Variants in DOCK3 observed in about 807,000 individuals in gnomAD.
DOCK3 encodes the protein dedicator of cytokinesis 3, also known as dedicator of cytokinesis protein 3.
Under a neutral mutation model 265.6 loss-of-function variants are expected in DOCK3, and 60 were observed. The observed-to-expected ratio is 0.23, with a 90% CI of 0.18 to 0.28. DOCK3 has a LOEUF of 0.28. Among genes scored for constraint, DOCK3 ranks in the 10% least tolerant of loss-of-function variants. The pLI, the probability that DOCK3 is intolerant of heterozygous loss-of-function variation, is 1.00. For missense variants in DOCK3, 1,981 were observed against 2,594.3 expected (o/e 0.76, Z 5.14); for synonymous variants, 881 against 938.0 (o/e 0.94, Z 1.11).
intron 3 of DOCK3, chr3:50,881,361 T>C (rs1326216107): frequency 6.6e-6 from 1 of 152,234 alleles, no homozygotes; most frequent in African/African-American, 2.4e-5. Context: ...GATGACATGA[T>C]TGTATATTTA....
intron 12 of DOCK3, among the ~76,000 whole-genome samples, chr3:51,206,952 G>C (rs915285630): frequency 6.6e-6 from 1 of 152,162 alleles, no homozygotes; most frequent in African/African-American, 2.4e-5. Context: ...CTCAGTGAGA[G>C]GGCATCTCTG....
chr3:51,332,972 T>A, intron 33 of DOCK3, 29 bp from the exon 34 acceptor site: 1 of 1,613,918 alleles, frequency 6.2e-7, no homozygotes. Context: ...AGTAACCTCC[T>A]TATCTTTGCT....
At position 51,151,200 on chromosome 3, in the gene DOCK3, T is replaced by C. The variant is rs576601114; in HGVS notation, c.828+4570T>C. ...TCCATCCCTTTATTTTGAGCCTATGTATGTCTCTGCACATAAGATGGGTCT... is the reference window on the plus strand; with the variant it reads ...TCCATCCCTTTATTTTGAGCCTATGCATGTCTCTGCACATAAGATGGGTCT... On this transcript the variant is annotated intron_variant, in intron 10 of 52. Transcript: ENST00000266037. 4.6e-5 allele frequency among the ~76,000 whole-genome samples: 7 copies of C among 152,278 alleles called. No homozygotes were observed. The South Asian group carries it at 1.5e-3, about 32-fold the overall frequency.
intron 3 of DOCK3, among the ~76,000 whole-genome samples, chr3:50,862,803 G>A (rs2046975017): frequency 1.3e-5 from 2 of 152,136 alleles, no homozygotes; most frequent in South Asian, 2.1e-4. Flanking sequence ...TGTAGGGAGG[G>A]GGAGTTGGAC....
intron 9 of DOCK3, among the ~76,000 whole-genome samples, chr3:51,136,754 C>A (rs1281132582): frequency 2.8e-4 from 43 of 152,088 alleles, no homozygotes; most frequent in Admixed American, 2.8e-3. Flanking sequence ...TTGCATTATA[C>A]CAGTAGTTAC....
chr3:51,312,377 T>C (rs1442395641), intron 29 of DOCK3, 99 bp from the exon 30 acceptor site: 3 of 1,110,190 alleles, frequency 2.7e-6, no homozygotes, highest in Non-Finnish European at 2.6e-6. Context: ...GATCTTAAGA[T>C]TGTAAAATGG....
Position 51,374,405 on chromosome 3 carries a change from T to C in DOCK3, c.5294-64T>C, listed in dbSNP as rs2087926425. ...CCTGGTTCCCTAGTCCTGAGGATGCTTGACTGCTGGACCCTCCATCTGTGG... is the reference window on the plus strand; with the variant it reads ...CCTGGTTCCCTAGTCCTGAGGATGCCTGACTGCTGGACCCTCCATCTGTGG... On this transcript the variant is annotated intron_variant, in intron 49 of 52. Transcript: ENST00000266037. This position sits in a 1 kb window ranked among gnomAD's most constrained non-coding sequence, Gnocchi z 4.8. 1 of 1,499,918 alleles carries C rather than the reference T, an allele frequency of 6.7e-7. No homozygotes were observed. The highest frequency in any genetic ancestry group is 9.1e-7 in the Non-Finnish European group (1 of 1,094,152). The allele number at this position is 1,499,918 out of a possible 1,614,324, so 92.9% of individuals were successfully genotyped here.
intron 1 of DOCK3, among the ~76,000 whole-genome samples, chr3:50,750,850 T>A (rs2039754660): frequency 6.6e-6 from 1 of 152,184 alleles, no homozygotes; most frequent in Non-Finnish European, 1.5e-5. Context: ...AATTTCATAA[T>A]TGGCCCAAGC....
chr3:51,249,723 A>G lies in DOCK3; in HGVS notation c.2184+2916A>G, dbSNP rs1203981398. On this transcript the variant is annotated intron_variant, in intron 22 of 52. Coordinates refer to ENST00000266037, the MANE Select transcript of DOCK3 (RefSeq NM_004947.5). The stretch of plus-strand genomic sequence containing the variant: ...GGGGCGCCTCTGCCCGGCCGCCCCT[A>G]CTGGAAAGTGAGGAGCCCCTCTGCC... Among the ~76,000 whole-genome samples, 10 of 93,380 alleles carry G rather than the reference A, an allele frequency of 1.1e-4. No individual in the cohort carries two copies. In the South Asian group the frequency reaches 2.9e-3, roughly 27 times the overall value. 61.3% of individuals were successfully genotyped at this position (93,380 alleles called of 152,430 possible). A position where few individuals can be genotyped will look rare whatever the true frequency, so the allele number is the denominator to read the frequency against.
chr3:50,979,128 T>C (rs918764581), intron 5 of DOCK3, among the ~76,000 whole-genome samples: 20 of 152,212 alleles, frequency 1.3e-4, no homozygotes, highest in African/African-American at 4.3e-4. Flanking sequence ...CGCTGGGAGC[T>C]GTAGACCGGA....
chr3:51,228,271 A>G (rs934372628), intron 17 of DOCK3, among the ~76,000 whole-genome samples, 183 bp downstream of exon 17: 1 of 152,216 alleles, frequency 6.6e-6, no homozygotes, highest in Non-Finnish European at 1.5e-5. Context: ...CCGTCCTCCC[A>G]CAAGTAACGC....
chr3:50,882,053 G>A (rs915451234), intron 3 of DOCK3, among the ~76,000 whole-genome samples: 3 of 152,122 alleles, frequency 2.0e-5, no homozygotes, highest in African/African-American at 7.2e-5. Flanking sequence ...TCGGAAAACT[G>A]GCTAGCCATA....
At chr3:51,199,084 C>T (rs987195414) in intron 12 of DOCK3, among the ~76,000 whole-genome samples, 29 of 152,112 alleles carry the variant, frequency 1.9e-4, no homozygotes, top group Admixed American at 6.5e-4. Context: ...GGAACACCTC[C>T]GGTCTACAGC....
intron 7 of DOCK3, among the ~76,000 whole-genome samples, chr3:51,082,640 G>T (rs1480076909): frequency 6.6e-6 from 1 of 152,174 alleles, no homozygotes; most frequent in Non-Finnish European, 1.5e-5. Context: ...TGTGTGCATT[G>T]TCCCGGGACC....
In DOCK3 at chr3:51,362,633, C is replaced by G. The variant is rs373018158; in HGVS notation, c.5252C>G (p.Ala1751Gly). Reference protein sequence around the residue: ...SSSSLSSTHSAPSQMITSAPS... With the variant: ...SSSSLSSTHSGPSQMITSAPS... ...TCCAGCCTGAGTTCCACTCACTCAG[C>G]ACCATCCCAGATGATTACCTCTGCC... Residue 1751 changes from alanine (A) to glycine (G), a missense_variant, in exon 49 of 53, where the codon GCA becomes GGA. Ala to Gly is a moderately conservative substitution (Grantham distance 60). Transcript: ENST00000266037. The G allele has an allele frequency of 1.2e-6, 2 of 1,613,842 alleles. No individual in the cohort carries two copies. The highest frequency in any genetic ancestry group is 2.7e-5 in the African/African-American group (2 of 74,934).
At chr3:51,065,881 A>G (rs952165894) in intron 6 of DOCK3, among the ~76,000 whole-genome samples, 2 of 152,238 alleles carry the variant, frequency 1.3e-5, no homozygotes, top group Non-Finnish European at 2.9e-5. Context: ...TACAAGACAG[A>G]GAGAGACCAA....
intron 5 of DOCK3, among the ~76,000 whole-genome samples, chr3:51,041,507 G>A (rs1011698217): frequency 3.3e-5 from 5 of 151,784 alleles, no homozygotes; most frequent in African/African-American, 7.3e-5. Context: ...GTGAGCCACC[G>A]CACCCGGCCC....
At chr3:51,380,635 C>T (rs1229391700) in intron 52 of DOCK3, among the ~76,000 whole-genome samples, 1 of 152,234 alleles carries the variant, frequency 6.6e-6, no homozygotes, top group Non-Finnish European at 1.5e-5. Context: ...TACCTGTTAG[C>T]TTGTCTGCAA....
At chr3:51,142,259 A>C (rs565011361) in intron 9 of DOCK3, among the ~76,000 whole-genome samples, 1 of 152,266 alleles carries the variant, frequency 6.6e-6, no homozygotes, top group African/African-American at 2.4e-5. Flanking sequence ...TAATTTATAC[A>C]CAGTAAAATT....
Sources: allele counts gnomAD v4.1 joint callset (sites outside exome capture counted in the v4.1 genomes callset), GRCh38; gene constraint gnomAD v4.1.1; non-coding constraint Gnocchi (gnomAD v3.1); transcripts MANE v1.5; gene names NCBI Gene and HGNC (gene_info 2026-07-23, HGNC 2026-07-21).